Variants in SNRNP40 observed in about 807,000 individuals in gnomAD.
The protein encoded by SNRNP40 is U5 small nuclear ribonucleoprotein 40 kDa protein.
A neutral mutation model predicts 45.8 loss-of-function variants in SNRNP40; 21 were observed. That is an observed-to-expected ratio of 0.46 (90% confidence interval 0.32 to 0.66). The LOEUF is 0.66. SNRNP40 is among the 30% of genes least tolerant of loss of function. The pLI, the probability that SNRNP40 is intolerant of heterozygous loss-of-function variation, is 0.03. For synonymous variants in SNRNP40, 142 were observed against 163.8 expected (o/e 0.87, Z 1.01); for missense variants, 344 against 439.1 (o/e 0.78, Z 1.94).
chr1:31,270,645 T>C (rs182924464), intron 6 of SNRNP40, among the ~76,000 whole-genome samples: 147 of 151,396 alleles, frequency 9.7e-4, no homozygotes, highest in African/African-American at 3.4e-3. Context: ...ATTGAGAATA[T>C]AGTTAAAAGG....
chr1:31,282,617 T>TA (rs1557678158), intron 4 of SNRNP40: 2 of 132,700 alleles, frequency 1.5e-5, no homozygotes. Context: ...CTATCTATCT[T>TA]TCTATCATCT....
At chr1:31,260,179 C>CAAGG (rs1645848730) in intron 9 of SNRNP40, 58 bp from the exon 10 acceptor site, 1 of 1,271,252 alleles carries the variant, frequency 7.9e-7, no homozygotes, top group Non-Finnish European at 1.1e-6. Context: ...ACTTGGTGCT[C>CAAGG]AAGGGCTCTT....
chr1:31,285,271 ACT>A lies in SNRNP40; in HGVS notation c.532-3777_532-3776del, dbSNP rs377045486. ...TTTTTTTTTTTGAGATGGGAGTCTC[ACT>A]CTGTCTGTTGCTCATTCTGGAGTGC... On this transcript the variant is annotated intron_variant, in intron 4 of 9. Transcript: ENST00000263694. Among the ~76,000 whole-genome samples the A allele has an allele frequency of 7.1e-4, 96 of 134,954 alleles. 1 individual carries two copies. The East Asian group carries it at 0.014, about 19-fold the overall frequency. 88.5% of individuals were successfully genotyped at this position (134,954 alleles called of 152,430 possible). A position where few individuals can be genotyped will look rare whatever the true frequency, so the allele number is the denominator to read the frequency against.
At chr1:31,266,330 A>G (rs1487781220) in intron 8 of SNRNP40, among the ~76,000 whole-genome samples, 2 of 152,224 alleles carry the variant, frequency 1.3e-5, no homozygotes, top group Admixed American at 1.3e-4. Context: ...AGTAGGATTG[A>G]AAGAGAAACT....
In SNRNP40 at chr1:31,293,244, T is replaced by C. The variant is rs370052653; in HGVS notation, c.246A>G (p.Ala82=). The part of the protein sequence containing the change: ...CKFHPNGSTL[A]SAGFDRLILL... ...ATATCAGTCGGTCAAATCCTGCAGATGCTAAGGTGGATCCGTTGGGGTGGA... is the reference window on the plus strand; with the variant it reads ...ATATCAGTCGGTCAAATCCTGCAGACGCTAAGGTGGATCCGTTGGGGTGGA... Residue 82 remains alanine, a synonymous_variant, in exon 2 of 10, where the codon GCA becomes GCG. Coordinates refer to ENST00000263694, the MANE Select transcript of SNRNP40 (RefSeq NM_004814.3). 4.5e-5 allele frequency: 72 copies of C among 1,613,960 alleles called. No homozygotes were observed. The highest frequency in any genetic ancestry group is 5.7e-5 in the Non-Finnish European group (67 of 1,179,988).
chr1:31,294,247 T>C (rs1322842246), intron 1 of SNRNP40, among the ~76,000 whole-genome samples: 2 of 152,122 alleles, frequency 1.3e-5, no homozygotes, highest in African/African-American at 4.8e-5. Flanking sequence ...CATGAGCCAC[T>C]GCACCTGGCC....
intron 2 of SNRNP40, among the ~76,000 whole-genome samples, chr1:31,292,523 A>T (rs894819090): frequency 1.3e-5 from 2 of 152,172 alleles, no homozygotes; most frequent in South Asian, 4.1e-4. Context: ...TCCAAATCAA[A>T]ATGGGCAGTG....
At chr1:31,294,015 G>A (rs887018725) in intron 1 of SNRNP40, among the ~76,000 whole-genome samples, 3 of 151,872 alleles carry the variant, frequency 2.0e-5, no homozygotes, top group Non-Finnish European at 4.4e-5. Flanking sequence ...CTGGAGTGCA[G>A]TGGTGTGATC....
At chr1:31,279,451 C>G (rs947513193) in intron 5 of SNRNP40, among the ~76,000 whole-genome samples, 1 of 152,182 alleles carries the variant, frequency 6.6e-6, no homozygotes, top group Non-Finnish European at 1.5e-5. Context: ...CCATCATCAT[C>G]CTTTTTAAGA....
chr1:31,264,778 G>C (rs1413981247), intron 8 of SNRNP40, among the ~76,000 whole-genome samples: 1 of 152,176 alleles, frequency 6.6e-6, no homozygotes, highest in Non-Finnish European at 1.5e-5. Context: ...GAGGTGATCT[G>C]TAAGTTATTA....
chr1:31,289,290 C>G lies in SNRNP40; in HGVS notation c.495G>C (p.Gln165His). The G allele has an allele frequency of 3.7e-6, 6 of 1,614,124 alleles. No individual in the cohort carries two copies. The highest frequency in any genetic ancestry group is 5.1e-6 in the Non-Finnish European group (6 of 1,179,984). ...NSCYPARRGP[Q>H]LVCTGSDDGT... ...CATCGTCACTGCCAGTGCAGACAAG[C>G]TGAGGGCCTCTCCTGGCTGGATAAC... The change falls in exon 4 of 10, where the codon CAG (glutamine) becomes CAC (histidine). Residue 165 changes from glutamine (Q) to histidine (H), a missense_variant. By Grantham distance (24) the Gln-to-His change is conservative. Coordinates refer to ENST00000263694, the MANE Select transcript of SNRNP40 (RefSeq NM_004814.3).
intron 6 of SNRNP40, 71 bp downstream of exon 6, chr1:31,271,308 T>G: frequency 6.8e-7 from 1 of 1,477,050 alleles, no homozygotes; most frequent in Non-Finnish European, 9.3e-7. Context: ...ATTCTAATCG[T>G]CTGATGGAAT....
intron 1 of SNRNP40, among the ~76,000 whole-genome samples, chr1:31,295,709 TAGA>T (rs1372645600): frequency 1.3e-5 from 2 of 152,264 alleles, no homozygotes; most frequent in Admixed American, 6.5e-5. Context: ...ATCTGATGTT[TAGA>T]AGGATTCCTT....
At chr1:31,295,855 G>A (rs1285062659) in intron 1 of SNRNP40, among the ~76,000 whole-genome samples, 1 of 152,248 alleles carries the variant, frequency 6.6e-6, no homozygotes, top group Admixed American at 6.5e-5. Flanking sequence ...GGTAGAAGTA[G>A]CAATTCTAGA....
chr1:31,259,675 T>C lies in SNRNP40; in HGVS notation c.*397A>G, dbSNP rs1211313947. On this transcript the variant is annotated 3_prime_UTR_variant, in exon 10 of 10. Transcript: ENST00000263694. ...GCAATAAATCCAATCCACATGGCTC[T>C]TGTAAAAAGGCATCTATTTGGCTTT... 3 of 423,106 alleles carry C rather than the reference T, an allele frequency of 7.1e-6. No individual in the cohort carries two copies. The East Asian group carries it at 2.0e-4, about 29-fold the overall frequency. 26.2% of individuals were successfully genotyped at this position (423,106 alleles called of 1,614,324 possible).
intron 4 of SNRNP40, among the ~76,000 whole-genome samples, chr1:31,285,833 C>T (rs767634180): frequency 7.9e-5 from 12 of 152,138 alleles, no homozygotes; most frequent in Non-Finnish European, 8.8e-5. Context: ...TATGTTTCCT[C>T]TTGATTAGAT....
chr1:31,262,871 G>A (rs952862159), intron 8 of SNRNP40, among the ~76,000 whole-genome samples: 1 of 151,882 alleles, frequency 6.6e-6, no homozygotes, highest in African/African-American at 2.4e-5. Context: ...GTGTAGTGGT[G>A]CATGCCTGTG....
In SNRNP40 at chr1:31,277,296, T is replaced by G. The variant is rs74065822; in HGVS notation, c.654+4078A>C. Among the ~76,000 whole-genome samples the G allele has an allele frequency of 4.8e-3, 734 of 152,324 alleles. 10 individuals are homozygous for G. The highest frequency in any genetic ancestry group is 0.016 in the African/African-American group (682 of 41,564). ...TTGAAGGAAGTACACTGTGAAATAG[T>G]AAGAGTGACTGAATTTGGATGATGA... On this transcript the variant is annotated intron_variant, in intron 5 of 9. Coordinates refer to ENST00000263694, the MANE Select transcript of SNRNP40 (RefSeq NM_004814.3).
At chr1:31,271,601 C>T in intron 5 of SNRNP40, 102 bp from the exon 6 acceptor site, 1 of 1,102,584 alleles carries the variant, frequency 9.1e-7, no homozygotes, top group Non-Finnish European at 1.3e-6. Context: ...ACTGATATTA[C>T]TCTACTATAA....
Sources: gnomAD v4.1 joint callset for allele counts (sites outside exome capture counted in the v4.1 genomes callset) on GRCh38, gnomAD v4.1.1 for gene constraint, MANE v1.5 for transcripts, NCBI Gene and HGNC (gene_info 2026-07-23, HGNC 2026-07-21) for gene names.